The following MED14 variants were observed in gnomAD, a reference collection of about 807,000 sequenced individuals.
MED14 encodes the protein mediator complex subunit 14.
Under a neutral mutation model 109.0 loss-of-function variants are expected in MED14, and 8 were observed. That is an observed-to-expected ratio of 0.07 (90% CI 0.04 to 0.13). The LOEUF (loss-of-function observed/expected upper bound fraction) is 0.13, where lower values mean the gene tolerates loss of function less well. Ranked by LOEUF, MED14 falls within the 10% of genes least tolerant of loss-of-function variation. The probability of loss-of-function intolerance (pLI) is 1.00; values close to 1 mark genes in which losing one functional copy is unlikely to be tolerated. For missense variants in MED14, 711 were observed against 1,142.4 expected (o/e 0.62, Z 5.44); for synonymous variants, 399 against 408.7 (o/e 0.98, Z 0.29).
chrX:40,675,569 G>A (rs1244658379), intron 21 of MED14, among the ~76,000 whole-genome samples: 1 of 111,988 alleles, frequency 8.9e-6, no homozygotes, highest in African/African-American at 3.2e-5. Context: ...AAGTCATATT[G>A]ACTAAGAAAT....
intron 3 of MED14, among the ~76,000 whole-genome samples, chrX:40,715,607 A>G (rs6520685): frequency 0.084 from 9,046 of 108,261 alleles, 749 homozygotes; most frequent in African/African-American, 0.24. Context: ...TAACATGATG[A>G]AACCCTGTCT....
intron 9 of MED14, 122 bp from the exon 10 acceptor site, chrX:40,709,581 C>T: frequency 3.0e-6 from 1 of 328,228 alleles, no homozygotes; most frequent in Non-Finnish European, 5.3e-6. Context: ...TAAGTGTTAA[C>T]CCTAATAGAA....
Position 40,697,042 on chromosome X carries a change from G to T in MED14, c.1632C>A (p.Arg544=). Residue 544 remains arginine, a synonymous_variant, in exon 13 of 31, where the codon CGC becomes CGA. Transcript: ENST00000324817. ...TACTTACAATGTAGTATTGTGGAAG[G>T]CGGGTAAGTTTAATGAACAGTTTAT... ...SKNKLFIKLT[R]LPQYYIVVEM... 8.3e-7 allele frequency: 1 copy of T among 1,203,952 alleles called. No individual in the cohort carries two copies. Among genetic ancestry groups the T allele is most frequent in the Non-Finnish European group, 1.1e-6 (1 of 889,847 alleles).
Position 40,712,247 on chromosome X carries a change from T to C in MED14, c.828A>G (p.Gln276=). The part of the protein sequence containing the change: ...VHSMQISFIH[Q]LVQSRLFADE... Reference sequence around the variant, plus strand: ...CAGCAAAGAGCCTAGACTGCACCAGTTGATGGATGAAGCTGATTTGCATGC... The same window carrying C: ...CAGCAAAGAGCCTAGACTGCACCAGCTGATGGATGAAGCTGATTTGCATGC... Residue 276 remains glutamine, a synonymous_variant, in exon 7 of 31, where the codon CAA becomes CAG. Transcript: ENST00000324817. 8.3e-7 allele frequency: 1 copy of C among 1,209,979 alleles called. No individual in the cohort carries two copies. Among genetic ancestry groups the C allele is most frequent in the Non-Finnish European group, 1.1e-6 (1 of 894,559 alleles).
chrX:40,714,564 A>C lies in MED14; in HGVS notation c.495T>G (p.Ser165=). The change falls in exon 4 of 31, where the codon TCT becomes TCG. Residue 165 remains serine, a synonymous_variant. Coordinates refer to ENST00000324817, the MANE Select transcript of MED14 (RefSeq NM_004229.4). ...TAATGCAGGTTGGCAGCCGTGGGTA[A>C]GATCCAGTAGTTAGTACATCAATGG... ...PYAIDVLTTG[S]YPRLPTCIRD... 1 of 1,209,616 alleles carries C rather than the reference A, an allele frequency of 8.3e-7. No individual in the cohort carries two copies. Among genetic ancestry groups the C allele is most frequent in the Admixed American group, 2.2e-5 (1 of 45,672 alleles).
At chrX:40,665,302 T>C (rs1426878538) in intron 24 of MED14, among the ~76,000 whole-genome samples, 1 of 111,202 alleles carries the variant, frequency 9.0e-6, no homozygotes, top group African/African-American at 3.3e-5. Flanking sequence ...GGTGGGTGGA[T>C]TGCTTGAGTC....
chrX:40,693,037 G>A (rs1930590507), intron 13 of MED14, 135 bp from the exon 14 acceptor site: 3 of 450,313 alleles, frequency 6.7e-6, no homozygotes, highest in African/African-American at 5.3e-5. Context: ...TAAATCAATC[G>A]TATCAAAAAA....
intron 16 of MED14, among the ~76,000 whole-genome samples, chrX:40,686,320 T>G (rs140010318): frequency 0.025 from 2,837 of 111,581 alleles, 85 homozygotes; most frequent in African/African-American, 0.086. Context: ...GAACAAGATA[T>G]TTTTAAAATT....
chrX:40,682,636 C>T lies in MED14; in HGVS notation c.2332G>A (p.Glu778Lys). The T allele has an allele frequency of 8.4e-7, 1 of 1,190,868 alleles. No individual in the cohort carries two copies. Among genetic ancestry groups the T allele is most frequent in the Middle Eastern group, 2.3e-4 (1 of 4,329 alleles). ...NDWNSIARLYECVLEFARSLP... is the reference protein window; with the variant it reads ...NDWNSIARLYKCVLEFARSLP... ...GAACGTGCAAATTCCAACACACACT[C>T]ATATAATCGTGCAATGCTATTCCAG... The change falls in exon 18 of 31, where the codon GAG becomes AAG. Residue 778 changes from glutamate (E) to lysine (K), a missense_variant. Glu to Lys is a moderately conservative substitution (Grantham distance 56). Coordinates refer to ENST00000324817, the MANE Select transcript of MED14 (RefSeq NM_004229.4).
chrX:40,734,572 C>A (rs915230078), intron 1 of MED14, among the ~76,000 whole-genome samples: 10 of 112,419 alleles, frequency 8.9e-5, no homozygotes, highest in African/African-American at 2.9e-4. Flanking sequence ...TTAGTATATT[C>A]TGATCCTATT....
intron 12 of MED14, among the ~76,000 whole-genome samples, chrX:40,700,691 T>C (rs1402982844): frequency 9.0e-6 from 1 of 111,630 alleles, no homozygotes. Context: ...CTAGCTCCAT[T>C]TTCAATTTTA....
chrX:40,713,771 T>C lies in MED14; in HGVS notation c.652+7A>G, dbSNP rs1334751037. The C allele has an allele frequency of 8.3e-7, 1 of 1,209,995 alleles. No individual in the cohort carries two copies. Among genetic ancestry groups the C allele is most frequent in the South Asian group, 1.8e-5 (1 of 56,713 alleles). ...AACTCTTAAAAAAATAAATTTCAGA[T>C]ACATACCAACTGTAAGATTTGCTAA... On this transcript the variant is annotated splice_region_variant and intron_variant, in intron 5 of 30. Transcript: ENST00000324817.
rs1177551770 is a variant in MED14 at position 40,681,954 on chromosome X, G to A, written c.2366-11C>T. The stretch of plus-strand genomic sequence containing the variant: ...GATGAGCAGGTATGTCTAAACAGAA[G>A]GAAACAAAAAGGAGATTAATATTAT... On this transcript the variant is annotated splice_polypyrimidine_tract_variant and intron_variant, in intron 18 of 30. Coordinates refer to ENST00000324817, the MANE Select transcript of MED14 (RefSeq NM_004229.4). 3 of 918,199 alleles carry A rather than the reference G, an allele frequency of 3.3e-6. No individual in the cohort carries two copies. Among genetic ancestry groups the A allele is most frequent in the East Asian group, 3.3e-5 (1 of 30,208 alleles). The allele number at this position is 918,199 out of a possible 1,213,427, so 75.7% of individuals were successfully genotyped here.
chrX:40,696,268 A>G (rs975015833), intron 13 of MED14, among the ~76,000 whole-genome samples: 9 of 107,834 alleles, frequency 8.3e-5, no homozygotes, highest in Non-Finnish European at 1.5e-4. Flanking sequence ...CCGAGTAGCT[A>G]GGACTACAGG....
chrX:40,698,361 G>C (rs2146685142), intron 12 of MED14, among the ~76,000 whole-genome samples: 1 of 112,214 alleles, frequency 8.9e-6, no homozygotes, highest in South Asian at 3.7e-4. Context: ...CCTTTTCAAA[G>C]TCAATCTGGA....
chrX:40,692,117 C>G, intron 15 of MED14, 66 bp downstream of exon 15: 1 of 1,051,479 alleles, frequency 9.5e-7, no homozygotes, highest in Non-Finnish European at 1.3e-6. Context: ...TATATATACC[C>G]TCAGCAACAC....
intron 13 of MED14, among the ~76,000 whole-genome samples, chrX:40,693,992 G>C (rs1930633916): frequency 9.0e-6 from 1 of 111,016 alleles, no homozygotes; most frequent in African/African-American, 3.3e-5. Flanking sequence ...CCGCCTCCCA[G>C]GTTCAAGCGA....
chrX:40,716,130 A>G (rs1384631519), intron 3 of MED14, among the ~76,000 whole-genome samples: 1 of 112,015 alleles, frequency 8.9e-6, no homozygotes, highest in African/African-American at 3.2e-5. Context: ...AATGTAAATA[A>G]AAACCACAAT....
At chrX:40,652,735 T>G (rs1928919771) in intron 30 of MED14, among the ~76,000 whole-genome samples, 1 of 111,936 alleles carries the variant, frequency 8.9e-6, no homozygotes, top group African/African-American at 3.2e-5. Context: ...ACTTCTCCTT[T>G]GCTCAAAGAA....
Sources: gnomAD v4.1 joint callset for allele counts (sites outside exome capture counted in the v4.1 genomes callset) on GRCh38, gnomAD v4.1.1 for gene constraint, MANE v1.5 for transcripts, NCBI Gene and HGNC (gene_info 2026-07-23, HGNC 2026-07-21) for gene names.